The following GREB1L variants were observed in gnomAD, a reference collection of about 807,000 sequenced individuals.
The protein encoded by GREB1L is GREB1-like protein.
GREB1L carries 17 observed loss-of-function variants against 200.8 expected under a neutral mutation model. The ratio of observed to expected loss-of-function variants is 0.08; its 90% confidence interval spans 0.06 to 0.13. GREB1L has a LOEUF of 0.13. GREB1L is among the 10% of genes least tolerant of loss of function. The pLI is 1.00. For synonymous variants in GREB1L, 789 were observed against 893.0 expected, an observed-to-expected ratio of 0.88 and a Z score of 2.08; for missense variants, 1,657 against 2,367.7, an observed-to-expected ratio of 0.70 and a Z score of 6.23.
At chr18:21,521,145 T>C (rs9958679) in intron 32 of GREB1L, among the ~76,000 whole-genome samples, 149,671 of 152,076 alleles carry the variant, frequency 0.98, 73,693 homozygotes, top group East Asian at 1. Flanking sequence ...TGTAGTGAGC[T>C]GAGATCACGC....
chr18:21,424,795 A>G (rs1281164465), intron 7 of GREB1L, among the ~76,000 whole-genome samples: 1 of 152,140 alleles, frequency 6.6e-6, no homozygotes, highest in Non-Finnish European at 1.5e-5. Flanking sequence ...AAAATCCCAT[A>G]TCCATTAATA....
chr18:21,306,579 C>A (rs1400139053), intron 1 of GREB1L, among the ~76,000 whole-genome samples: 1 of 152,194 alleles, frequency 6.6e-6, no homozygotes, highest in Non-Finnish European at 1.5e-5. Flanking sequence ...GGTAAGTACT[C>A]ATTACAATGA....
At chr18:21,519,259 C>A (rs1302602795) in intron 31 of GREB1L, among the ~76,000 whole-genome samples, 1 of 152,016 alleles carries the variant, frequency 6.6e-6, no homozygotes, top group East Asian at 1.9e-4. Flanking sequence ...GCCAGGAGTT[C>A]GAGACCAGCC....
At chr18:21,279,446 A>G (rs1177095391) in intron 1 of GREB1L, among the ~76,000 whole-genome samples, 1 of 152,164 alleles carries the variant, frequency 6.6e-6, no homozygotes, top group Non-Finnish European at 1.5e-5. Flanking sequence ...CCTTCCCAGC[A>G]TACTTTGTAC....
chr18:21,264,094 G>T (rs904148301), intron 1 of GREB1L, among the ~76,000 whole-genome samples: 3 of 152,088 alleles, frequency 2.0e-5, no homozygotes, highest in African/African-American at 7.2e-5. Context: ...ACTGCTTTGA[G>T]ATCTAACCTA....
intron 8 of GREB1L, 141 bp downstream of exon 8, chr18:21,439,778 G>C: frequency 1.6e-6 from 1 of 638,956 alleles, no homozygotes; most frequent in Non-Finnish European, 2.8e-6. Context: ...GTTTGTAATT[G>C]GTGTGAACAG....
intron 27 of GREB1L, 125 bp downstream of exon 27, chr18:21,508,716 A>C: frequency 1.6e-5 from 4 of 247,364 alleles, no homozygotes; most frequent in Non-Finnish European, 2.5e-5. Context: ...CACTCTTCGG[A>C]AAAAAAAAAA....
intron 7 of GREB1L, among the ~76,000 whole-genome samples, chr18:21,423,117 G>C (rs1192008878): frequency 6.6e-6 from 1 of 152,088 alleles, no homozygotes; most frequent in Non-Finnish European, 1.5e-5. Context: ...TTTTAGTAGA[G>C]ACGGGGTTTC....
intron 7 of GREB1L, among the ~76,000 whole-genome samples, chr18:21,418,232 A>G (rs2144818157): frequency 6.6e-6 from 1 of 152,238 alleles, no homozygotes. Context: ...GAGGTTTTAC[A>G]GTGGCAAGTG....
At chr18:21,477,888 T>C (rs2035768921) in intron 17 of GREB1L, among the ~76,000 whole-genome samples, 1 of 152,222 alleles carries the variant, frequency 6.6e-6, no homozygotes, top group South Asian at 2.1e-4. Flanking sequence ...TAATATCCTA[T>C]ATAAATTTGA....
At chr18:21,354,661 G>A (rs1224403846) in intron 1 of GREB1L, among the ~76,000 whole-genome samples, 1 of 152,162 alleles carries the variant, frequency 6.6e-6, no homozygotes, top group Non-Finnish European at 1.5e-5. Flanking sequence ...AGCAAAGGAC[G>A]GAGGGAGTCA....
At chr18:21,346,608 G>A (rs1410754295) in intron 1 of GREB1L, among the ~76,000 whole-genome samples, 1 of 151,976 alleles carries the variant, frequency 6.6e-6, no homozygotes, top group Non-Finnish European at 1.5e-5. Flanking sequence ...GGTTATTCTT[G>A]TTCTTTCCAC....
At chr18:21,418,339 G>A (rs941104199) in intron 7 of GREB1L, among the ~76,000 whole-genome samples, 1 of 151,904 alleles carries the variant, frequency 6.6e-6, no homozygotes, top group Non-Finnish European at 1.5e-5. Context: ...ATATAAAATG[G>A]CATAATATCT....
rs556514678 is a variant in GREB1L, at chr18:21,406,053, C to T, written c.832+2059C>T. ...CTGGCCTGGGCAACAGAGCCAGACCCTGTCTAAAAAAAAAAAAAAAAAGAA... is the reference window on the plus strand; with the variant it reads ...CTGGCCTGGGCAACAGAGCCAGACCTTGTCTAAAAAAAAAAAAAAAAAGAA... On this transcript the variant is annotated intron_variant, in intron 7 of 32. Coordinates refer to ENST00000424526, the MANE Select transcript of GREB1L (RefSeq NM_001142966.3). Among the ~76,000 whole-genome samples the T allele has an allele frequency of 4.0e-4, 43 of 106,612 alleles. No individual in the cohort carries two copies. In the East Asian group the frequency reaches 8.3e-3, roughly 21 times the overall value. The allele number at this position is 106,612 out of a possible 152,430, so 69.9% of individuals were successfully genotyped here.
intron 7 of GREB1L, among the ~76,000 whole-genome samples, chr18:21,411,994 G>A (rs2031085869): frequency 1.4e-5 from 2 of 145,718 alleles, no homozygotes; most frequent in Non-Finnish European, 3.0e-5. Flanking sequence ...GCAGTGAGCC[G>A]AGATTGCGCC....
rs1173694871 is a variant in GREB1L at position 21,470,766 on chromosome 18, A to G, written c.2183-2265A>G. ...GCTGCACAATATGCATAGAAAAAAA[A>G]CAGGAAAGAAAGCACAAAAATGGAA... On this transcript the variant is annotated intron_variant, in intron 15 of 32. Coordinates refer to ENST00000424526, the MANE Select transcript of GREB1L (RefSeq NM_001142966.3). 2.0e-5 allele frequency among the ~76,000 whole-genome samples: 3 copies of G among 152,230 alleles called. No individual in the cohort carries two copies. The East Asian group carries it at 5.8e-4, about 29-fold the overall frequency.
chr18:21,327,957 G>T (rs1482574462), intron 1 of GREB1L, among the ~76,000 whole-genome samples: 1 of 151,864 alleles, frequency 6.6e-6, no homozygotes. Flanking sequence ...CTCGTGATCC[G>T]CCCGCCTCAG....
chr18:21,297,567 G>T (rs1484377191), intron 1 of GREB1L, among the ~76,000 whole-genome samples: 1 of 152,188 alleles, frequency 6.6e-6, no homozygotes, highest in Admixed American at 6.5e-5. Flanking sequence ...GACTGTGTTG[G>T]GGGTGATCTG....
At chr18:21,440,457 CT>C (rs2145247619) in intron 9 of GREB1L, 69 bp downstream of exon 9, 1 of 1,411,214 alleles carries the variant, frequency 7.1e-7, no homozygotes, top group East Asian at 2.5e-5. Context: ...TACTTCCATT[CT>C]TTCCCTGAAT....
Sources: gnomAD v4.1 joint callset for allele counts (sites outside exome capture counted in the v4.1 genomes callset) on GRCh38, gnomAD v4.1.1 for gene constraint, MANE v1.5 for transcripts, NCBI Gene and HGNC (gene_info 2026-07-23, HGNC 2026-07-21) for gene names.